PCDHA3: variants seen among roughly 807,000 people sequenced by gnomAD.
PCDHA3 encodes the protein protocadherin alpha 3, also known as protocadherin alpha-3.
Under a neutral mutation model 62.2 loss-of-function variants are expected in PCDHA3, and 41 were observed. The observed-to-expected ratio is 0.66, with a 90% CI of 0.51 to 0.86. The LOEUF is 0.86. Ranked by LOEUF, PCDHA3 falls within the 40% of genes least tolerant of loss-of-function variation. The pLI is 0.00. For synonymous variants in PCDHA3, 640 were observed against 555.4 expected (o/e 1.15, Z -2.14); for missense variants, 1,304 against 1,241.2 (o/e 1.05, Z -0.76).
chr5:140,841,800 C>A, intron 1 of PCDHA3: 1 of 1,613,890 alleles, frequency 6.2e-7, no homozygotes, highest in South Asian at 1.1e-5. Flanking sequence ...GCGTCCGATG[C>A]AGATGTTGGA....
chr5:140,876,206 C>A, intron 1 of PCDHA3: 1 of 1,613,864 alleles, frequency 6.2e-7, no homozygotes, highest in Non-Finnish European at 8.5e-7. Flanking sequence ...TTTGATAAGC[C>A]CAGCTATAAA....
intron 1 of PCDHA3, among the ~76,000 whole-genome samples, chr5:140,826,875 T>C (rs532892808): frequency 6.6e-6 from 1 of 152,100 alleles, no homozygotes; most frequent in Non-Finnish European, 1.5e-5. Context: ...TAAAATTCAA[T>C]GAAAGCTGTA....
At chr5:140,971,661 TAGAG>T (rs2096491377) in intron 1 of PCDHA3, among the ~76,000 whole-genome samples, 1 of 152,064 alleles carries the variant, frequency 6.6e-6, no homozygotes, top group Non-Finnish European at 1.5e-5. Context: ...AGATGGGAAT[TAGAG>T]AGGAAGAGTA....
chr5:140,938,148 A>G (rs563866654), intron 1 of PCDHA3, among the ~76,000 whole-genome samples: 1 of 152,284 alleles, frequency 6.6e-6, no homozygotes, highest in African/African-American at 2.4e-5. Context: ...GTCTCACTAC[A>G]TTGCCCAGGC....
intron 1 of PCDHA3, chr5:140,968,792 A>G (rs200477554): frequency 2.5e-6 from 4 of 1,614,186 alleles, no homozygotes; most frequent in Admixed American, 3.3e-5. Flanking sequence ...CTCTGTGGCC[A>G]TTACAGTAGC....
In PCDHA3 at chr5:140,856,586, G is replaced by A. The variant is rs1185371115; in HGVS notation, c.2394+52995G>A. 7 of 1,597,236 alleles carry A rather than the reference G, an allele frequency of 4.4e-6. 1 individual carries two copies. The highest frequency in any genetic ancestry group is 6.0e-6 in the Non-Finnish European group (7 of 1,166,914). ...CAGTCCAAATGAGTATTTTGTTCTT[G>A]ATATTATAAACAAAAAAGACAAAGA... On this transcript the variant is annotated intron_variant, in intron 1 of 3. Coordinates refer to ENST00000522353, the MANE Select transcript of PCDHA3 (RefSeq NM_018906.3).
intron 1 of PCDHA3, among the ~76,000 whole-genome samples, chr5:140,937,187 G>A (rs1443565443): frequency 6.6e-6 from 1 of 151,764 alleles, no homozygotes; most frequent in Non-Finnish European, 1.5e-5. Context: ...ACAGGCGCCC[G>A]CCACCATGCC....
At chr5:140,828,092 A>T in intron 1 of PCDHA3, 2 of 1,598,744 alleles carry the variant, frequency 1.3e-6, no homozygotes, top group Non-Finnish European at 1.7e-6. Flanking sequence ...GGTATTTGAC[A>T]TGGTGTTTAC....
intron 3 of PCDHA3, among the ~76,000 whole-genome samples, chr5:141,007,422 G>C (rs190866782): frequency 7.0e-6 from 1 of 143,592 alleles, no homozygotes; most frequent in Non-Finnish European, 1.5e-5. Flanking sequence ...AAAAAAATTA[G>C]CCAGGCATGG....
chr5:140,831,514 C>A (rs2150195382), intron 1 of PCDHA3, among the ~76,000 whole-genome samples: 1,950 of 132,850 alleles, frequency 0.015, 29 homozygotes, highest in African/African-American at 0.055. Flanking sequence ...CCACCATGCC[C>A]CCCACCTTTT....
chr5:140,940,552 G>A (rs1198606745), intron 1 of PCDHA3, among the ~76,000 whole-genome samples: 4 of 152,018 alleles, frequency 2.6e-5, no homozygotes, highest in African/African-American at 9.7e-5. Flanking sequence ...GGGCTCAAGT[G>A]ATTCTCCTAC....
At chr5:140,895,038 C>G (rs1554186328) in intron 1 of PCDHA3, among the ~76,000 whole-genome samples, 1 of 152,104 alleles carries the variant, frequency 6.6e-6, no homozygotes, top group African/African-American at 2.4e-5. Context: ...TGTCCCCCAC[C>G]CACACCATTC....
rs143891810 is a variant in PCDHA3 at position 140,808,404 on chromosome 5, C to T, written c.2394+4813C>T. On this transcript the variant is annotated intron_variant, in intron 1 of 3. Transcript: ENST00000522353. ...GTGTCCACCTTCAAGAATTACTACT[C>T]GTTGGTGCTGGACAGTGCCCTGGAC... The T allele has an allele frequency of 4.0e-3, 6,405 of 1,614,158 alleles. 12 individuals are homozygous for T. The highest frequency in any genetic ancestry group is 4.7e-3 in the Non-Finnish European group (5,490 of 1,180,036).
At position 140,968,170 on chromosome 5, in the gene PCDHA3, C is replaced by T. The variant is rs1554230457; in HGVS notation, c.2395-10779C>T. 3 of 1,614,132 alleles carry T rather than the reference C, an allele frequency of 1.9e-6. No homozygotes were observed. In the South Asian group the frequency reaches 3.3e-5, roughly 18 times the overall value. On this transcript the variant is annotated intron_variant, in intron 1 of 3. Transcript: ENST00000522353. ...CTGACATCAATGACAATCCACCAAG[C>T]TTCCTGGAGGACTCCTATTCCATCT...
At chr5:140,875,878 A>T in intron 1 of PCDHA3, 1 of 1,614,212 alleles carries the variant, frequency 6.2e-7, no homozygotes, top group Non-Finnish European at 8.5e-7. Flanking sequence ...GTTCAGAGAA[A>T]GGGAACAAAA....
In PCDHA3 at chr5:140,802,630, C is replaced by T. The variant is rs1554122255; in HGVS notation, c.1433C>T (p.Ser478Phe). The T allele has an allele frequency of 3.7e-6, 6 of 1,613,894 alleles. No homozygotes were observed. In the South Asian group the frequency reaches 6.6e-5, roughly 18 times the overall value. The change falls in exon 1 of 4, where the codon TCT becomes TTT. Residue 478 changes from serine (S) to phenylalanine (F), a missense_variant. Physicochemically the swap from Ser to Phe is radical, Grantham distance 155. Transcript: ENST00000522353. ...NPPGCHIFTV[S>F]ARDADAQENA... ...CCGGGCTGCCACATCTTCACGGTGT[C>T]TGCGCGGGACGCGGACGCGCAGGAG... is the stretch of plus-strand genomic sequence containing the variant.
rs376536820 is a variant in PCDHA3, at chr5:140,802,505, G to A, written c.1308G>A (p.Trp436Ter). 6.2e-7 allele frequency: 1 copy of A among 1,614,044 alleles called. No individual in the cohort carries two copies. Among genetic ancestry groups the A allele is most frequent in the African/African-American group, 1.3e-5 (1 of 74,944 alleles). Reference sequence around the variant, plus strand: ...GGGACGGGGGCTCGCCTTCACTGTGGGCCACGGCCAGCGTGTCCGTGGAGG... The same window carrying A: ...GGGACGGGGGCTCGCCTTCACTGTGAGCCACGGCCAGCGTGTCCGTGGAGG... ...TARDGGSPSL[W>*]ATASVSVEVA... is the part of the protein sequence containing the mutation. Residue 436 changes from tryptophan to a stop codon, truncating the protein, a stop_gained, in exon 1 of 4, where the codon TGG (tryptophan) becomes TGA (stop). Transcript: ENST00000522353. LOFTEE classifies it high-confidence loss of function.
intron 1 of PCDHA3, among the ~76,000 whole-genome samples, chr5:140,919,654 C>CAT (rs1554199189): frequency 6.6e-6 from 1 of 151,822 alleles, no homozygotes; most frequent in African/African-American, 2.4e-5. Context: ...TAGAGTTTAC[C>CAT]ATATATATTT....
Position 140,843,584 on chromosome 5 carries a change from C to T in PCDHA3, c.2394+39993C>T. On this transcript the variant is annotated intron_variant, in intron 1 of 3. Coordinates refer to ENST00000522353, the MANE Select transcript of PCDHA3 (RefSeq NM_018906.3). The stretch of plus-strand genomic sequence containing the variant: ...GAGCTGGTCATACTCGCAACAACAG[C>T]CGCAGAGGGTGTGCTCTGGTGAGGG... 1.9e-6 allele frequency: 3 copies of T among 1,595,998 alleles called. No homozygotes were observed. In the East Asian group the frequency reaches 6.7e-5, roughly 36 times the overall value.
Sources: allele counts gnomAD v4.1 joint callset (sites outside exome capture counted in the v4.1 genomes callset), GRCh38; gene constraint gnomAD v4.1.1; transcripts MANE v1.5; gene names NCBI Gene and HGNC (gene_info 2026-07-23, HGNC 2026-07-21).